The following ABHD1 variants were observed in gnomAD, a reference collection of about 807,000 sequenced individuals.
ABHD1 encodes abhydrolase domain containing 1, also known as protein ABHD1.
In ABHD1, 47 loss-of-function variants were observed where a neutral mutation model predicts 41.4. That is an observed-to-expected ratio of 1.13 (90% CI 0.90 to 1.45). The LOEUF is 1.45. Among genes scored for constraint, ABHD1 ranks in the 40% most tolerant of loss-of-function variants. ABHD1 has a pLI of 0.00. For missense variants in ABHD1, 550 were observed against 503.4 expected (o/e 1.09, Z -0.89); for synonymous variants, 205 against 203.7 (o/e 1.01, Z -0.05).
chr2:27,128,793 T>C, intron 2 of ABHD1, 152 bp from the exon 3 acceptor site: 1 of 1,179,066 alleles, frequency 8.5e-7, no homozygotes, highest in Non-Finnish European at 1.2e-6. Context: ...CCATCACACA[T>C]TGTCAAGCCT....
Position 27,124,057 on chromosome 2 carries a change from CT to C in ABHD1, c.111del (p.Gln38ArgfsTer50), listed in dbSNP as rs1242538186. The C allele has an allele frequency of 1.2e-6, 2 of 1,613,964 alleles. No homozygotes were observed. Among genetic ancestry groups the C allele is most frequent in the African/African-American group, 2.7e-5 (2 of 74,928 alleles). On this transcript the variant is annotated frameshift_variant, in exon 1 of 9. Coordinates refer to ENST00000316470, the MANE Select transcript of ABHD1 (RefSeq NM_032604.4). LOFTEE classifies it high-confidence loss of function. The part of the protein sequence containing the change: ...LYLGYYWACV[L>X]QRPRLVAGPQ... Reference sequence around the variant, plus strand: ...CTTGGGCTACTACTGGGCATGTGTGCTTCAGGTGGGTGCGGGTCCACCGCTC... The same window carrying C: ...CTTGGGCTACTACTGGGCATGTGTGCTCAGGTGGGTGCGGGTCCACCGCTC...
rs1447593902 is a variant in ABHD1 at position 27,129,693 on chromosome 2, C to G, written c.618-61C>G. The G allele has an allele frequency of 1.9e-6, 3 of 1,610,074 alleles. No individual in the cohort carries two copies. In the African/African-American group the frequency reaches 4.0e-5, roughly 21 times the overall value. ...TTTTTTCCTCCTCCATGTCCCCTTCCTCTGTCCCAACCCACATTAATGCAA... is the reference window on the plus strand; with the variant it reads ...TTTTTTCCTCCTCCATGTCCCCTTCGTCTGTCCCAACCCACATTAATGCAA... On this transcript the variant is annotated intron_variant, in intron 5 of 8. Coordinates refer to ENST00000316470, the MANE Select transcript of ABHD1 (RefSeq NM_032604.4).
intron 3 of ABHD1, 66 bp from the exon 4 acceptor site, chr2:27,129,250 T>C (rs1428952212): frequency 3.7e-6 from 6 of 1,608,010 alleles, no homozygotes; most frequent in Non-Finnish European, 5.1e-6. Context: ...CAGGGGTCTT[T>C]CTGAATACTG....
rs1462935045 is a variant in ABHD1 at position 27,124,623 on chromosome 2, TG to T, written c.114+562del. 1.5e-5 allele frequency: 3 copies of T among 193,854 alleles called. No homozygotes were observed. In the East Asian group the frequency reaches 4.8e-4, roughly 31 times the overall value. The allele number at this position is 193,854 out of a possible 1,614,324, so 12.0% of individuals were successfully genotyped here. Reference sequence around the variant, plus strand: ...GAAAGTTTGAAGAGGTTGATTTTGATGAATTTGGAGACTTTTCTCACTGAAA... The same window carrying T: ...GAAAGTTTGAAGAGGTTGATTTTGATAATTTGGAGACTTTTCTCACTGAAA... On this transcript the variant is annotated intron_variant, in intron 1 of 8. Transcript: ENST00000316470.
At chr2:27,128,093 C>T (rs1259025180) in intron 1 of ABHD1, among the ~76,000 whole-genome samples, 2 of 152,158 alleles carry the variant, frequency 1.3e-5, no homozygotes, top group East Asian at 1.9e-4. Context: ...GGACCACAGG[C>T]GCACACCACT....
rs777545125 is a variant in ABHD1, at chr2:27,123,966, G to C, written c.18G>C (p.Leu6=). Residue 6 remains leucine (L), a synonymous_variant, in exon 1 of 9, where the codon CTG becomes CTC. Transcript: ENST00000316470. MLSSF[L]SPQNGTWADT... ...AACACAAGATGCTGAGCTCCTTCCT[G>C]AGCCCCCAGAATGGCACCTGGGCAG... The C allele has an allele frequency of 6.2e-7, 1 of 1,614,242 alleles. No individual in the cohort carries two copies. The highest frequency in any genetic ancestry group is 2.2e-5 in the East Asian group (1 of 44,874).
intron 1 of ABHD1, chr2:27,124,332 G>A: frequency 3.6e-6 from 2 of 555,008 alleles, no homozygotes; most frequent in Non-Finnish European, 6.8e-6. Flanking sequence ...GGCATCCTGA[G>A]GTATCAGAGA....
rs772944608 is a variant in ABHD1, at chr2:27,129,777, C to T, written c.641C>T (p.Ala214Val). 11 of 1,614,044 alleles carry T rather than the reference C, an allele frequency of 6.8e-6. No individual in the cohort carries two copies. In the African/African-American group the frequency reaches 1.5e-4, roughly 22 times the overall value. ...FGGILVLNHL[A>V]QARQAAGLVA... ...AGGATACTGGTGCTGAATCACCTGG[C>T]ACAGGCCAGGCAGGCTGCAGGGCTG... Residue 214 changes from alanine to valine, a missense_variant, in exon 6 of 9, where the codon GCA becomes GTA. Transcript: ENST00000316470.
intron 2 of ABHD1, 33 bp downstream of exon 2, chr2:27,128,634 C>A (rs749698895): frequency 1.2e-6 from 2 of 1,606,534 alleles, no homozygotes; most frequent in East Asian, 4.5e-5. Flanking sequence ...GAACATGAAA[C>A]CCCAGGTATC....
At chr2:27,124,084 T>C in intron 1 of ABHD1, 22 bp downstream of exon 1, 1 of 1,606,372 alleles carries the variant, frequency 6.2e-7, no homozygotes, top group Non-Finnish European at 8.5e-7. Flanking sequence ...TCCACCGCTC[T>C]GGCCAGCGGG....
At position 27,130,142 on chromosome 2, in the gene ABHD1, T is replaced by C. The variant is rs748059020; in HGVS notation, c.829T>C (p.Phe277Leu). 9 of 1,614,196 alleles carry C rather than the reference T, an allele frequency of 5.6e-6. No homozygotes were observed. Among genetic ancestry groups the C allele is most frequent in the Non-Finnish European group, 5.1e-6 (6 of 1,180,048 alleles). ...GATTGAAAAGGTGGTGGACATAGAC[T>C]TTGTACTACAGGTATAATATTCAGC... is the stretch of plus-strand genomic sequence containing the variant. ...KVIEKVVDID[F>L]VLQARTIRQF... Residue 277 changes from phenylalanine (F) to leucine (L), a missense_variant, in exon 7 of 9, where the codon TTT becomes CTT. Phe to Leu is a conservative substitution (Grantham distance 22). Coordinates refer to ENST00000316470, the MANE Select transcript of ABHD1 (RefSeq NM_032604.4).
chr2:27,129,229 G>T (rs961412689), intron 3 of ABHD1, 87 bp from the exon 4 acceptor site: 97 of 1,599,118 alleles, frequency 6.1e-5, no homozygotes, highest in Non-Finnish European at 7.9e-5. Context: ...TACACAAAGG[G>T]AGTCTTTGGA....
At position 27,129,632 on chromosome 2, in the gene ABHD1, G is replaced by T; in HGVS notation, c.617+6G>T. ...GTGGGCATCTCTTTTGGAGGGTAAA[G>T]ATTGCCTGGGCTTAGCCCAGAGGCC... On this transcript the variant is annotated splice_donor_region_variant and intron_variant, in intron 5 of 8. Transcript: ENST00000316470. 2 of 1,612,028 alleles carry T rather than the reference G, an allele frequency of 1.2e-6. No homozygotes were observed. Among genetic ancestry groups the T allele is most frequent in the Non-Finnish European group, 1.7e-6 (2 of 1,179,952 alleles).
Position 27,130,678 on chromosome 2 carries a change from C to T in ABHD1, c.1152C>T (p.Ile384=). ...TCTTGCATCAGTACGCCAAAGCCAT[C>T]TTCCAGGACCCAGAGGGGCTGCCTG... ...SRLLHQYAKA[I]FQDPEGLPDL... Residue 384 remains isoleucine (I), a synonymous_variant, in exon 9 of 9, where the codon ATC becomes ATT. Coordinates refer to ENST00000316470, the MANE Select transcript of ABHD1 (RefSeq NM_032604.4). 1.9e-6 allele frequency: 3 copies of T among 1,614,246 alleles called. No individual in the cohort carries two copies. Among genetic ancestry groups the T allele is most frequent in the Non-Finnish European group, 2.5e-6 (3 of 1,180,050 alleles).
At chr2:27,127,166 T>C (rs1268984353) in intron 1 of ABHD1, among the ~76,000 whole-genome samples, 2 of 147,554 alleles carry the variant, frequency 1.4e-5, no homozygotes, top group African/African-American at 5.0e-5. Context: ...AATATACAGA[T>C]GAAGTGGTGC....
At chr2:27,128,412 A>G in intron 1 of ABHD1, 29 bp from the exon 2 acceptor site, 2 of 1,613,084 alleles carry the variant, frequency 1.2e-6, no homozygotes, top group African/African-American at 1.3e-5. Context: ...AAAGTCAGGG[A>G]AGTGGGGCAG....
rs747675370 is a variant in ABHD1 at position 27,129,005 on chromosome 2, C to G, written c.336C>G (p.Asp112Glu). 1 of 1,614,222 alleles carries G rather than the reference C, an allele frequency of 6.2e-7. No individual in the cohort carries two copies. Among genetic ancestry groups the G allele is most frequent in the South Asian group, 1.1e-5 (1 of 91,082 alleles). Residue 112 changes from aspartate (D) to glutamate (E), a missense_variant, in exon 3 of 9, where the codon GAC (aspartate) becomes GAG (glutamate). Transcript: ENST00000316470. The part of the protein sequence containing the change: ...QLLLDWAKQP[D>E]SSQDPDPTTQ... ...TGCTAGACTGGGCCAAGCAGCCTGACAGCAGCCAAGACCCTGATCCTACTA... is the reference window on the plus strand; with the variant it reads ...TGCTAGACTGGGCCAAGCAGCCTGAGAGCAGCCAAGACCCTGATCCTACTA...
In ABHD1 at chr2:27,123,933, A is replaced by G; in HGVS notation, c.-16A>G. The G allele has an allele frequency of 6.2e-6, 10 of 1,610,384 alleles. No individual in the cohort carries two copies. Among genetic ancestry groups the G allele is most frequent in the Non-Finnish European group, 8.5e-6 (10 of 1,176,728 alleles). On this transcript the variant is annotated 5_prime_UTR_variant, in exon 1 of 9. Coordinates refer to ENST00000316470, the MANE Select transcript of ABHD1 (RefSeq NM_032604.4). ...GGCCAGCCAGGAGCCTGAGGGTCGG[A>G]AGCCCCCAACACAAGATGCTGAGCT...
rs913350823 is a variant in ABHD1 at position 27,129,579 on chromosome 2, T to C, written c.570T>C (p.His190=). The C allele has an allele frequency of 6.2e-7, 1 of 1,613,858 alleles. No individual in the cohort carries two copies. The highest frequency in any genetic ancestry group is 1.3e-5 in the African/African-American group (1 of 74,946). Residue 190 remains histidine, a synonymous_variant, in exon 5 of 9, where the codon CAT becomes CAC. Transcript: ENST00000316470. ...DLETVVNHIK[H]RYPQAPLLAV... is the part of the protein sequence containing the mutation. ...AGACAGTCGTGAACCACATAAAGCA[T>C]CGTTATCCCCAAGCTCCACTGCTGG...
Sources: gnomAD v4.1 joint callset for allele counts (sites outside exome capture counted in the v4.1 genomes callset) on GRCh38, gnomAD v4.1.1 for gene constraint, MANE v1.5 for transcripts, NCBI Gene and HGNC (gene_info 2026-07-23, HGNC 2026-07-21) for gene names.